Variants in NRG1 observed in about 807,000 individuals in gnomAD.
NRG1 encodes pro-neuregulin-1, membrane-bound isoform.
In NRG1, 18 loss-of-function variants were observed where a neutral mutation model predicts 63.8. That is an observed-to-expected ratio of 0.28 (90% CI 0.19 to 0.42). The LOEUF is 0.42. Ranked by LOEUF, NRG1 falls within the 10% of genes least tolerant of loss-of-function variation. NRG1 has a pLI of 1.00. For missense variants in NRG1, 762 were observed against 814.7 expected (o/e 0.94, Z 0.79); for synonymous variants, 302 against 301.3 (o/e 1.00, Z -0.02).
intron 1 of NRG1, among the ~76,000 whole-genome samples, chr8:32,566,697 G>A (rs1588358921): frequency 6.6e-6 from 1 of 152,172 alleles, no homozygotes; most frequent in East Asian, 1.9e-4. Flanking sequence ...TTCCAGCCAG[G>A]AGGTTCTTGT....
At chr8:32,190,166 T>C (rs747049910) in intron 1 of NRG1, among the ~76,000 whole-genome samples, 1 of 150,488 alleles carries the variant, frequency 6.6e-6, no homozygotes, top group Non-Finnish European at 1.5e-5. Context: ...AATCCTTTTA[T>C]CAAAATGTAT....
chr8:31,909,675 C>A (rs1832785409), intron 1 of NRG1, among the ~76,000 whole-genome samples: 1 of 152,086 alleles, frequency 6.6e-6, no homozygotes, highest in Admixed American at 6.6e-5. Flanking sequence ...GTGGCTGTTT[C>A]TATAAACACT....
chr8:32,451,642 C>T (rs1379270094), intron 1 of NRG1, among the ~76,000 whole-genome samples: 1 of 152,204 alleles, frequency 6.6e-6, no homozygotes, highest in Non-Finnish European at 1.5e-5. Context: ...GTTTGAGTTG[C>T]TGATAGCAAC....
At chr8:32,283,586 A>T (rs1481629015) in intron 1 of NRG1, among the ~76,000 whole-genome samples, 1 of 152,198 alleles carries the variant, frequency 6.6e-6, no homozygotes, top group Non-Finnish European at 1.5e-5. Flanking sequence ...TCAGAAGATG[A>T]AGAGGGTTTT....
intron 1 of NRG1, among the ~76,000 whole-genome samples, chr8:32,559,256 A>AAAAAAATAAAAAAAAAAT (rs1835873102): frequency 2.0e-5 from 3 of 150,448 alleles, no homozygotes; most frequent in Non-Finnish European, 4.4e-5. Flanking sequence ...AAAAAAAAAA[A>AAAAAAATAAAAAAAAAAT]AAAAAAATCA....
intron 1 of NRG1, among the ~76,000 whole-genome samples, chr8:31,761,675 G>T (rs183313779): frequency 6.6e-6 from 1 of 152,066 alleles, no homozygotes; most frequent in Non-Finnish European, 1.5e-5. Context: ...ACCATCTTGC[G>T]TGGGAGTGAT....
chr8:32,678,135 A>C (rs1029448231), intron 5 of NRG1, among the ~76,000 whole-genome samples: 4 of 152,232 alleles, frequency 2.6e-5, no homozygotes, highest in African/African-American at 9.6e-5. Context: ...GATGATGGAC[A>C]TAAAAAATCT....
intron 5 of NRG1, among the ~76,000 whole-genome samples, chr8:32,635,612 G>A (rs549237892): frequency 6.1e-4 from 92 of 151,860 alleles, no homozygotes; most frequent in African/African-American, 2.2e-3. Context: ...ACAGGTTATT[G>A]TAAAACCACC....
intron 1 of NRG1, among the ~76,000 whole-genome samples, chr8:31,672,428 G>A (rs1807251708): frequency 6.6e-6 from 1 of 152,128 alleles, no homozygotes; most frequent in Non-Finnish European, 1.5e-5. Context: ...GTGTGATAAA[G>A]GCTATAGACA....
chr8:32,503,764 G>A (rs183780753), intron 1 of NRG1, among the ~76,000 whole-genome samples: 1 of 152,226 alleles, frequency 6.6e-6, no homozygotes, highest in Admixed American at 6.5e-5. Context: ...ACGGACATAC[G>A]CAGAGTGAGA....
At chr8:31,943,245 G>C (rs1346659135) in intron 1 of NRG1, among the ~76,000 whole-genome samples, 2 of 152,108 alleles carry the variant, frequency 1.3e-5, no homozygotes, top group African/African-American at 4.8e-5. Context: ...AACCTGGATG[G>C]AATTGGAGAT....
rs565511002 is a variant in NRG1, at chr8:31,765,121, G to A, written c.37+125690G>A. ...TATAAGTGTTACTGTTTTCAATTTT[G>A]GTGTTCACATATATATTGCTAGTAT... On this transcript the variant is annotated intron_variant, in intron 1 of 10. Transcript: ENST00000519301. 6.6e-5 allele frequency among the ~76,000 whole-genome samples: 10 copies of A among 151,374 alleles called. No individual in the cohort carries two copies. The East Asian group carries it at 1.9e-3, about 29-fold the overall frequency.
intron 1 of NRG1, among the ~76,000 whole-genome samples, chr8:32,527,474 T>C (rs1331608499): frequency 6.6e-6 from 1 of 151,918 alleles, no homozygotes; most frequent in African/African-American, 2.4e-5. Context: ...GTACCATGGA[T>C]ATAGAAATTG....
chr8:32,320,325 C>A (rs921230696), intron 1 of NRG1, among the ~76,000 whole-genome samples: 1 of 152,116 alleles, frequency 6.6e-6, no homozygotes, highest in Non-Finnish European at 1.5e-5. Flanking sequence ...TATTTCTAGA[C>A]TTATCCTGCT....
intron 1 of NRG1, among the ~76,000 whole-genome samples, chr8:32,186,187 G>A (rs1036907150): frequency 7.2e-5 from 11 of 152,170 alleles, no homozygotes; most frequent in Non-Finnish European, 1.5e-4. Flanking sequence ...ACACAAGGCC[G>A]TGTGCGGTGG....
chr8:32,747,878 G>A (rs1159142709), intron 7 of NRG1, among the ~76,000 whole-genome samples: 4 of 151,814 alleles, frequency 2.6e-5, no homozygotes, highest in African/African-American at 9.7e-5. Context: ...AAATGGCCCA[G>A]GGTACATCTC....
At chr8:31,920,722 T>A (rs1197550239) in intron 1 of NRG1, among the ~76,000 whole-genome samples, 1 of 152,108 alleles carries the variant, frequency 6.6e-6, no homozygotes, top group Non-Finnish European at 1.5e-5. Flanking sequence ...ATAATGAACA[T>A]TATATTCCCT....
intron 1 of NRG1, among the ~76,000 whole-genome samples, chr8:32,133,375 A>G (rs1222043405): frequency 6.6e-6 from 1 of 151,934 alleles, no homozygotes; most frequent in African/African-American, 2.4e-5. Flanking sequence ...ACCACAGCCA[A>G]TTTCAAGGTT....
At chr8:31,838,171 T>TAA (rs1484683255) in intron 1 of NRG1, among the ~76,000 whole-genome samples, 3 of 152,126 alleles carry the variant, frequency 2.0e-5, no homozygotes, top group African/African-American at 4.8e-5. Context: ...TCTAAAGATG[T>TAA]AAAGTATGAC....
Sources: allele counts gnomAD v4.1 joint callset (sites outside exome capture counted in the v4.1 genomes callset), GRCh38; gene constraint gnomAD v4.1.1; transcripts MANE v1.5; gene names NCBI Gene and HGNC (gene_info 2026-07-23, HGNC 2026-07-21).